TMEM171: variants seen among roughly 807,000 people sequenced by gnomAD.
The protein encoded by TMEM171 is transmembrane protein 171.
A neutral mutation model predicts 19.1 loss-of-function variants in TMEM171; 16 were observed. The ratio of observed to expected loss-of-function variants is 0.84; its 90% CI spans 0.57 to 1.27. The LOEUF is 1.27. Ranked by LOEUF, TMEM171 falls within the 50% of genes most tolerant of loss-of-function variation. The pLI is 0.00. For synonymous variants in TMEM171, 153 were observed against 163.4 expected (o/e 0.94, Z 0.48); for missense variants, 429 against 412.7 (o/e 1.04, Z -0.34).
chr5:73,126,052 C>T lies in TMEM171; in HGVS notation c.640+2039C>T, dbSNP rs76042614. Among the ~76,000 whole-genome samples, 982 of 152,280 alleles carry T rather than the reference C, an allele frequency of 6.4e-3. 9 individuals carry two copies. The highest frequency in any genetic ancestry group is 0.023 in the African/African-American group (935 of 41,544). Reference sequence around the variant, plus strand: ...GTTCTGAAAGACGCATGAAAGGGAACTCGCAGAGGAGAGGCCTCTTTCCAG... The same window carrying T: ...GTTCTGAAAGACGCATGAAAGGGAATTCGCAGAGGAGAGGCCTCTTTCCAG... On this transcript the variant is annotated intron_variant, in intron 2 of 3. Transcript: ENST00000454765.
At chr5:73,127,384 A>AAAAAAAAAAAAAAAT in intron 2 of TMEM171, among the ~76,000 whole-genome samples, 1 of 81,682 alleles carries the variant, frequency 1.2e-5, no homozygotes, top group East Asian at 3.4e-4. Context: ...AAAAAAAAAA[A>AAAAAAAAAAAAAAAT]ATATATATAT....
At chr5:73,123,015 A>T (rs1393856811) in intron 1 of TMEM171, among the ~76,000 whole-genome samples, 1 of 152,234 alleles carries the variant, frequency 6.6e-6, no homozygotes, top group Non-Finnish European at 1.5e-5. Flanking sequence ...CAGAAAAGGA[A>T]ATGCCACACC....
chr5:73,120,584 G>T lies in TMEM171; in HGVS notation c.-181G>T. 1.0e-6 allele frequency: 1 copy of T among 985,308 alleles called. No homozygotes were observed. 61.0% of individuals were successfully genotyped at this position (985,308 alleles called of 1,614,324 possible). On this transcript the variant is annotated 5_prime_UTR_variant, in exon 1 of 4. Transcript: ENST00000454765. ...GTCCGCCCTCCGCACCAGGACGCGCGGTGGGTAGGGTGCAGGGCGGCCGGC... is the reference window on the plus strand; with the variant it reads ...GTCCGCCCTCCGCACCAGGACGCGCTGTGGGTAGGGTGCAGGGCGGCCGGC...
At chr5:73,130,258 G>A (rs703873) in intron 3 of TMEM171, among the ~76,000 whole-genome samples, 65,967 of 151,878 alleles carry the variant, frequency 0.43, 14,601 homozygotes, top group East Asian at 0.62. Flanking sequence ...ACTAGTGGGA[G>A]ACCCCCAGGA....
chr5:73,122,449 A>G (rs1398689424), intron 1 of TMEM171, among the ~76,000 whole-genome samples: 3 of 152,230 alleles, frequency 2.0e-5, no homozygotes, highest in African/African-American at 7.2e-5. Flanking sequence ...TCTGTTGCCC[A>G]GGCTGGAGAG....
chr5:73,131,809 A>T lies in TMEM171; in HGVS notation c.*79A>T. The T allele has an allele frequency of 7.5e-7, 1 of 1,337,200 alleles. No individual in the cohort carries two copies. Among genetic ancestry groups the T allele is most frequent in the Non-Finnish European group, 1.0e-6 (1 of 997,454 alleles). The allele number at this position is 1,337,200 out of a possible 1,614,324, so 82.8% of individuals were successfully genotyped here. A position where few individuals can be genotyped will look rare whatever the true frequency, so the allele number is the denominator to read the frequency against. ...TTTTTTAAATAAAAAATACAATAGC[A>T]TTGGCTATATTCTGACTTTCCTGCT... On this transcript the variant is annotated 3_prime_UTR_variant, in exon 4 of 4. Transcript: ENST00000454765.
chr5:73,128,367 A>G lies in TMEM171; in HGVS notation c.641-23A>G, dbSNP rs769132214. On this transcript the variant is annotated intron_variant, in intron 2 of 3. Transcript: ENST00000454765. ...TTCCATTTATTACCCACCTGTTGTC[A>G]ACTAAATATTGTTTTGCCTTAGGTG... The G allele has an allele frequency of 1.9e-6, 3 of 1,608,432 alleles. No individual in the cohort carries two copies. The South Asian group carries it at 3.3e-5, about 18-fold the overall frequency.
At chr5:73,128,604 C>A in intron 3 of TMEM171, 73 bp downstream of exon 3, 2 of 1,542,996 alleles carry the variant, frequency 1.3e-6, no homozygotes, top group Non-Finnish European at 1.8e-6. Context: ...GTGTGGTTCA[C>A]CAGGAGGCAT....
intron 2 of TMEM171, among the ~76,000 whole-genome samples, chr5:73,128,063 T>G (rs1360866130): frequency 6.6e-6 from 1 of 152,088 alleles, no homozygotes; most frequent in Non-Finnish European, 1.5e-5. Flanking sequence ...TTTAAATGGT[T>G]TAGTGGCATT....
chr5:73,129,890 G>A (rs1003511857), intron 3 of TMEM171, among the ~76,000 whole-genome samples: 5 of 152,210 alleles, frequency 3.3e-5, no homozygotes, highest in Admixed American at 6.5e-5. Flanking sequence ...GGGCCGCAGA[G>A]AATATCAGGT....
At chr5:73,127,384 A>AATATATATATATATAT (rs59879336) in intron 2 of TMEM171, among the ~76,000 whole-genome samples, 6 of 81,672 alleles carry the variant, frequency 7.3e-5, no homozygotes, top group African/African-American at 2.6e-4. Context: ...AAAAAAAAAA[A>AATATATATATATATAT]ATATATATAT....
chr5:73,124,466 T>C (rs952327377), intron 2 of TMEM171, among the ~76,000 whole-genome samples: 36 of 152,202 alleles, frequency 2.4e-4, no homozygotes, highest in African/African-American at 8.7e-4. Context: ...CTGGCTGTCC[T>C]TGTAAGTCCT....
In TMEM171 at chr5:73,123,786, C is replaced by G. The variant is rs777878186; in HGVS notation, c.413C>G (p.Ser138Cys). The G allele has an allele frequency of 1.2e-4, 192 of 1,612,910 alleles. No homozygotes were observed. Among genetic ancestry groups the G allele is most frequent in the Non-Finnish European group, 1.5e-4 (181 of 1,179,192 alleles). The part of the protein sequence containing the change: ...VLGIWVPGCG[S>C]NWAQEPLNET... Reference sequence around the variant, plus strand: ...GGCATTTGGGTCCCTGGATGTGGCTCCAACTGGGCGCAGGAACCGCTAAAC... The same window carrying G: ...GGCATTTGGGTCCCTGGATGTGGCTGCAACTGGGCGCAGGAACCGCTAAAC... The change falls in exon 2 of 4, where the codon TCC (serine) becomes TGC (cysteine). Residue 138 changes from serine (S) to cysteine (C), a missense_variant. Transcript: ENST00000454765.
chr5:73,128,574 G>A (rs761653040), intron 3 of TMEM171, 43 bp downstream of exon 3: 2 of 1,610,160 alleles, frequency 1.2e-6, no homozygotes, highest in South Asian at 1.1e-5. Flanking sequence ...CTGAATTCAG[G>A]CCACACTAGT....
chr5:73,124,746 T>A (rs951790812), intron 2 of TMEM171, among the ~76,000 whole-genome samples: 24 of 152,230 alleles, frequency 1.6e-4, no homozygotes, highest in Admixed American at 1.3e-4. Flanking sequence ...AAGTTCCTTT[T>A]GGGTCCCCCG....
chr5:73,123,511 A>G lies in TMEM171; in HGVS notation c.138A>G (p.Ala46=), dbSNP rs1744061556. ...GVLLSIFGFQ[A]CQYKPLPDCP... ...TGCTCTCCATCTTTGGGTTCCAGGC[A>G]TGCCAATATAAGCCCCTCCCAGACT... Residue 46 remains alanine (A), a synonymous_variant, in exon 2 of 4, where the codon GCA becomes GCG. Coordinates refer to ENST00000454765, the MANE Select transcript of TMEM171 (RefSeq NM_173490.8). The G allele has an allele frequency of 6.2e-7, 1 of 1,614,046 alleles. No individual in the cohort carries two copies. Among genetic ancestry groups the G allele is most frequent in the Non-Finnish European group, 8.5e-7 (1 of 1,180,040 alleles).
At position 73,123,406 on chromosome 5, in the gene TMEM171, G is replaced by C; in HGVS notation, c.33G>C (p.Gly11=). ...CTGCAGCTGCTGCTGAGCCAGATGG[G>C]GACCAGCAGGACAGACACGTCAGCA... MSPAAAAEPD[G]DQQDRHVSKL... The change falls in exon 2 of 4, where the codon GGG becomes GGC. Residue 11 remains glycine, a synonymous_variant. Transcript: ENST00000454765. The C allele has an allele frequency of 6.2e-7, 1 of 1,613,876 alleles. No individual in the cohort carries two copies. Among genetic ancestry groups the C allele is most frequent in the Non-Finnish European group, 8.5e-7 (1 of 1,179,804 alleles).
At chr5:73,124,890 T>A (rs560384668) in intron 2 of TMEM171, among the ~76,000 whole-genome samples, 2 of 152,276 alleles carry the variant, frequency 1.3e-5, no homozygotes, top group Non-Finnish European at 2.9e-5. Context: ...TTTTTTTCAG[T>A]CTCCTACTTT....
chr5:73,126,676 G>A (rs1052439079), intron 2 of TMEM171, among the ~76,000 whole-genome samples: 2 of 152,200 alleles, frequency 1.3e-5, no homozygotes, highest in Non-Finnish European at 1.5e-5. Context: ...TGGCGGCTGA[G>A]GTCAAGGAGG....
Sources: gnomAD v4.1 joint callset for allele counts (sites outside exome capture counted in the v4.1 genomes callset) on GRCh38, gnomAD v4.1.1 for gene constraint, MANE v1.5 for transcripts, NCBI Gene and HGNC (gene_info 2026-07-23, HGNC 2026-07-21) for gene names.